The following SAMD12 variants were observed in gnomAD, a reference collection of about 807,000 sequenced individuals.
SAMD12 encodes the protein sterile alpha motif domain-containing protein 12.
A neutral mutation model predicts 15.0 loss-of-function variants in SAMD12; 9 were observed. That is an observed-to-expected ratio of 0.60 (90% CI 0.36 to 1.05). The LOEUF is 1.05. Among genes scored for constraint, SAMD12 ranks in the 50% least tolerant of loss-of-function variants. SAMD12 has a pLI of 0.01. For missense variants in SAMD12, 230 were observed against 234.2 expected (o/e 0.98, Z 0.12); for synonymous variants, 86 against 90.1 (o/e 0.96, Z 0.25).
chr8:118,560,641 T>C (rs879202122), intron 2 of SAMD12, among the ~76,000 whole-genome samples: 1 of 152,200 alleles, frequency 6.6e-6, no homozygotes, highest in Admixed American at 6.5e-5. Flanking sequence ...GCATGTACAA[T>C]TATAAACATA....
intron 4 of SAMD12, among the ~76,000 whole-genome samples, chr8:118,296,934 G>A (rs868857359): frequency 2.0e-5 from 3 of 152,204 alleles, no homozygotes; most frequent in Admixed American, 1.3e-4. Flanking sequence ...ACAGATACAA[G>A]TCCTTAGAAT....
At chr8:118,461,137 C>T (rs2130937751) in intron 2 of SAMD12, among the ~76,000 whole-genome samples, 1 of 152,314 alleles carries the variant, frequency 6.6e-6, no homozygotes, top group East Asian at 1.9e-4. Context: ...TAACATTCTC[C>T]AATTAGAGTG....
intron 3 of SAMD12, among the ~76,000 whole-genome samples, chr8:118,423,031 T>G (rs1358443583): frequency 6.6e-6 from 1 of 151,910 alleles, no homozygotes; most frequent in African/African-American, 2.4e-5. Flanking sequence ...ACAAAAAAAT[T>G]TGGCCAAGTG....
chr8:118,503,394 A>G (rs1824839166), intron 2 of SAMD12, among the ~76,000 whole-genome samples: 1 of 152,194 alleles, frequency 6.6e-6, no homozygotes, highest in Non-Finnish European at 1.5e-5. Flanking sequence ...GAAAGGCATT[A>G]GAGTCATCCA....
chr8:118,581,857 C>G (rs940783908), intron 1 of SAMD12, among the ~76,000 whole-genome samples: 11 of 152,074 alleles, frequency 7.2e-5, no homozygotes, highest in African/African-American at 2.7e-4. Flanking sequence ...AAACTCCTAT[C>G]CTCATCCCCT....
At position 118,621,871 on chromosome 8, in the gene SAMD12, T is replaced by C; in HGVS notation, c.-55A>G. 1.3e-6 allele frequency: 2 copies of C among 1,587,038 alleles called. No individual in the cohort carries two copies. The highest frequency in any genetic ancestry group is 1.7e-6 in the Non-Finnish European group (2 of 1,155,392). The stretch of plus-strand genomic sequence containing the variant: ...ATTTTCTTGGCCGAGGTACTCCTCC[T>C]GCCCCGCGCTCCCCCCTTCCTCTCG... On this transcript the variant is annotated 5_prime_UTR_variant, in exon 1 of 4. Transcript: ENST00000314727.
intron 4 of SAMD12, among the ~76,000 whole-genome samples, chr8:118,265,172 T>C (rs1174107590): frequency 6.6e-6 from 1 of 152,166 alleles, no homozygotes; most frequent in Non-Finnish European, 1.5e-5. Context: ...CAGCTCCAGG[T>C]GGCTAATTGG....
intron 2 of SAMD12, among the ~76,000 whole-genome samples, chr8:118,580,131 C>T (rs879250181): frequency 1.3e-5 from 2 of 152,120 alleles, no homozygotes; most frequent in African/African-American, 4.8e-5. Flanking sequence ...CTATTGTCTA[C>T]CTCACAAGAT....
At chr8:118,415,697 T>C (rs953714724) in intron 3 of SAMD12, among the ~76,000 whole-genome samples, 3 of 152,194 alleles carry the variant, frequency 2.0e-5, no homozygotes, top group Non-Finnish European at 4.4e-5. Flanking sequence ...TTGTAGTCTA[T>C]GGTCTTAAGT....
intron 4 of SAMD12, among the ~76,000 whole-genome samples, chr8:118,263,269 G>A (rs1353315756): frequency 6.6e-6 from 1 of 152,080 alleles, no homozygotes; most frequent in Non-Finnish European, 1.5e-5. Flanking sequence ...TCAAATAAAT[G>A]TTCATTTTAA....
At chr8:118,418,095 G>A (rs964937214) in intron 3 of SAMD12, among the ~76,000 whole-genome samples, 1 of 152,156 alleles carries the variant, frequency 6.6e-6, no homozygotes, top group African/African-American at 2.4e-5. Context: ...CGTCTGTGTG[G>A]TTTACTGTGG....
At chr8:118,333,981 G>A (rs2062426) in intron 4 of SAMD12, among the ~76,000 whole-genome samples, 1 of 144,990 alleles carries the variant, frequency 6.9e-6, no homozygotes, top group Non-Finnish European at 1.5e-5. Context: ...GTGTCTGTGT[G>A]TGTGTGTGTG....
At chr8:118,324,519 C>T (rs1469045542) in intron 4 of SAMD12, among the ~76,000 whole-genome samples, 1 of 152,126 alleles carries the variant, frequency 6.6e-6, no homozygotes, top group African/African-American at 2.4e-5. Context: ...CCCACTACAT[C>T]TCAAACAGAA....
At chr8:118,256,996 G>C (rs760987140) in intron 4 of SAMD12, among the ~76,000 whole-genome samples, 6 of 151,890 alleles carry the variant, frequency 4.0e-5, no homozygotes, top group Non-Finnish European at 7.4e-5. Flanking sequence ...CTCTACTTGA[G>C]CCCAAGTCAT....
chr8:118,282,439 T>C (rs1196193716), intron 4 of SAMD12: 11 of 443,590 alleles, frequency 2.5e-5, no homozygotes, highest in Admixed American at 2.3e-4. Flanking sequence ...AAGGGTAACT[T>C]CTGTGTAAAC....
chr8:118,555,301 T>A (rs2131195476), intron 2 of SAMD12, among the ~76,000 whole-genome samples: 1 of 152,336 alleles, frequency 6.6e-6, no homozygotes, highest in South Asian at 2.1e-4. Flanking sequence ...TTTCTTTAAA[T>A]CGCTAATAAA....
At position 118,209,857 on chromosome 8, in the gene SAMD12, T is replaced by C. The variant is rs11562665; in HGVS notation, c.434-12125A>G. 7.8e-3 allele frequency among the ~76,000 whole-genome samples: 1,189 copies of C among 152,274 alleles called. 16 individuals carry two copies. Among genetic ancestry groups the C allele is most frequent in the African/African-American group, 0.027 (1,124 of 41,538 alleles). ...TGACATACTGTATCTAGAGAAGCTATTCACAAACACACACCTGTGGCCAAT... is the reference window on the plus strand; with the variant it reads ...TGACATACTGTATCTAGAGAAGCTACTCACAAACACACACCTGTGGCCAAT... On this transcript the variant is annotated intron_variant, in intron 4 of 4. Coordinates refer to the SAMD12 transcript ENST00000409003.
At chr8:118,420,408 G>C (rs532887459) in intron 3 of SAMD12, among the ~76,000 whole-genome samples, 2 of 152,306 alleles carry the variant, frequency 1.3e-5, no homozygotes, top group Admixed American at 1.3e-4. Flanking sequence ...AAGCACATGG[G>C]ACCAGATGTA....
intron 1 of SAMD12, among the ~76,000 whole-genome samples, chr8:118,599,609 C>T (rs888331017): frequency 5.9e-5 from 9 of 152,238 alleles, no homozygotes; most frequent in Admixed American, 2.6e-4. Flanking sequence ...ATTCAATGTT[C>T]GCTTAGGGAT....
Sources: gnomAD v4.1 joint callset for allele counts (sites outside exome capture counted in the v4.1 genomes callset) on GRCh38, gnomAD v4.1.1 for gene constraint, MANE v1.5 for transcripts, NCBI Gene and HGNC (gene_info 2026-07-23, HGNC 2026-07-21) for gene names.